NLRP1: variants seen among roughly 807,000 people sequenced by gnomAD.
NLRP1 encodes the protein NLR family pyrin domain containing 1.
In NLRP1, 94 loss-of-function variants were observed where a neutral mutation model predicts 136.7. The ratio of observed to expected loss-of-function variants is 0.69; its 90% CI spans 0.58 to 0.82. The LOEUF is 0.82. NLRP1 is among the 40% of genes least tolerant of loss of function. The pLI, the probability that NLRP1 is intolerant of heterozygous loss-of-function variation, is 0.00. For missense variants in NLRP1, 1,575 were observed against 1,802.7 expected (o/e 0.87, Z 2.29); for synonymous variants, 690 against 725.1 (o/e 0.95, Z 0.78).
chr17:5,573,519 T>A (rs1378521723), intron 3 of NLRP1, among the ~76,000 whole-genome samples: 1 of 152,166 alleles, frequency 6.6e-6, no homozygotes, highest in African/African-American at 2.4e-5. Context: ...GACTGCCTCC[T>A]CAGGTGGGTC....
At chr17:5,574,042 G>A (rs1192761625) in intron 3 of NLRP1, among the ~76,000 whole-genome samples, 1 of 152,160 alleles carries the variant, frequency 6.6e-6, no homozygotes, top group Admixed American at 6.5e-5. Context: ...CCATCACAAA[G>A]AAGCTAAAAA....
chr17:5,522,203 C>T (rs1242597294), intron 12 of NLRP1, among the ~76,000 whole-genome samples: 1 of 152,222 alleles, frequency 6.6e-6, no homozygotes, highest in Non-Finnish European at 1.5e-5. Flanking sequence ...GCTCAGGTAC[C>T]CTCTTGGGGG....
intron 14 of NLRP1, among the ~76,000 whole-genome samples, chr17:5,519,116 C>T (rs574346682): frequency 4.4e-4 from 67 of 152,200 alleles, no homozygotes; most frequent in Admixed American, 1.8e-3. Flanking sequence ...CATTCTCCTA[C>T]CTCAGCCTCC....
Position 5,559,881 on chromosome 17 carries a change from T to C in NLRP1, c.815A>G (p.Glu272Gly). The stretch of plus-strand genomic sequence containing the variant: ...CTGTGTGAATTTTTGGTTAAAATCC[T>C]CATTTTTCCAGGGCCATGTGGAACA... ...SLCSTWPWKNEDFNQKFTQLL... is the reference protein window; with the variant it reads ...SLCSTWPWKNGDFNQKFTQLL... The change falls in exon 4 of 17, where the codon GAG (glutamate) becomes GGG (glycine). Residue 272 changes from glutamate to glycine, a missense_variant. Transcript: ENST00000572272. 6.2e-7 allele frequency: 1 copy of C among 1,614,240 alleles called. No homozygotes were observed. The highest frequency in any genetic ancestry group is 1.1e-5 in the South Asian group (1 of 91,092).
chr17:5,565,360 G>A (rs1038538655), intron 3 of NLRP1, among the ~76,000 whole-genome samples: 4 of 152,084 alleles, frequency 2.6e-5, no homozygotes, highest in Non-Finnish European at 5.9e-5. Flanking sequence ...AGTCATTTGA[G>A]CTCCTTATAT....
chr17:5,540,973 G>T (rs1432522158), intron 6 of NLRP1, among the ~76,000 whole-genome samples: 2 of 152,284 alleles, frequency 1.3e-5, no homozygotes, highest in South Asian at 4.1e-4. Flanking sequence ...TGCACAGAGG[G>T]GTGTGTATAA....
intron 3 of NLRP1, among the ~76,000 whole-genome samples, chr17:5,577,332 T>G (rs941048454): frequency 6.6e-6 from 1 of 152,212 alleles, no homozygotes; most frequent in Admixed American, 6.5e-5. Flanking sequence ...TGTCCCTGTT[T>G]GCAGATGACA....
chr17:5,510,674 T>C (rs1040772873), downstream of NLRP1, among the ~76,000 whole-genome samples: 1 of 151,572 alleles, frequency 6.6e-6, no homozygotes. Context: ...GCCAAAAAAA[T>C]GAAAAAAAAT....
downstream of NLRP1, among the ~76,000 whole-genome samples, chr17:5,509,482 T>C (rs891601017): frequency 6.6e-6 from 1 of 152,172 alleles, no homozygotes; most frequent in African/African-American, 2.4e-5. Flanking sequence ...ATCCTACTCC[T>C]TGGGAGAGTG....
chr17:5,517,971 T>G (rs1401159366), intron 14 of NLRP1, 84 bp from the exon 15 acceptor site: 1 of 1,385,594 alleles, frequency 7.2e-7, no homozygotes. Context: ...TGGCCCTGCT[T>G]GGCTCCATAA....
exon 16 of NLRP1, chr17:5,501,590 C>A (rs1040827003): frequency 6.6e-6 from 3 of 451,148 alleles, no homozygotes; most frequent in African/African-American, 2.0e-5. Context: ...CTCTGTCTCT[C>A]CATCTGCATC....
At position 5,533,002 on chromosome 17, in the gene NLRP1, C is replaced by A; in HGVS notation, c.3134-18G>T. The A allele has an allele frequency of 6.2e-7, 1 of 1,604,114 alleles. No individual in the cohort carries two copies. Among genetic ancestry groups the A allele is most frequent in the Non-Finnish European group, 8.5e-7 (1 of 1,175,170 alleles). On this transcript the variant is annotated intron_variant, in intron 10 of 16. Coordinates refer to ENST00000572272, the MANE Select transcript of NLRP1 (RefSeq NM_033004.4). ...GCTTTCCTCTGAAACAGCAAGGCAGCGGTCAGCTCCAGATTCTCCCGCCTG... is the reference window on the plus strand; with the variant it reads ...GCTTTCCTCTGAAACAGCAAGGCAGAGGTCAGCTCCAGATTCTCCCGCCTG...
intron 12 of NLRP1, among the ~76,000 whole-genome samples, chr17:5,527,356 G>A (rs891426562): frequency 2.0e-5 from 3 of 152,230 alleles, no homozygotes; most frequent in South Asian, 2.1e-4. Context: ...CCCACAGGCC[G>A]CAGGTTGTAC....
chr17:5,528,017 C>T (rs1909773038), intron 12 of NLRP1, among the ~76,000 whole-genome samples: 1 of 152,218 alleles, frequency 6.6e-6, no homozygotes, highest in African/African-American at 2.4e-5. Flanking sequence ...TACATTCTGG[C>T]TCCAGACCTT....
intron 12 of NLRP1, among the ~76,000 whole-genome samples, chr17:5,525,331 A>T (rs1909394471): frequency 6.6e-6 from 1 of 152,238 alleles, no homozygotes; most frequent in South Asian, 2.1e-4. Flanking sequence ...AGCAAATAGA[A>T]CAATGGCTCA....
rs117569222 is a variant in NLRP1, at chr17:5,584,501, C to G, written c.-544G>C. 0.029 allele frequency: 4,588 copies of G among 156,486 alleles called. 98 individuals are homozygous for G. Among genetic ancestry groups the G allele is most frequent in the Non-Finnish European group, 0.046 (3,258 of 70,932 alleles). 9.7% of individuals were successfully genotyped at this position (156,486 alleles called of 1,614,324 possible). ...GGGCACCAGCCAGCAAGAACAGCGC[C>G]TAGTCAACAAGAGCAGGAAGGAAAC... On this transcript the variant is annotated 5_prime_UTR_variant, in exon 1 of 17. Coordinates refer to ENST00000572272, the MANE Select transcript of NLRP1 (RefSeq NM_033004.4).
chr17:5,559,598 G>A lies in NLRP1; in HGVS notation c.1098C>T (p.Tyr366=). The stretch of plus-strand genomic sequence containing the variant: ...ACTGGGCCAGCTCTCTGCAGCTGAA[G>A]TAGAAGACATGCTGGAAGCGGTCCC... ...LYGDRFQHVF[Y]FSCRELAQSK... Residue 366 remains tyrosine, a synonymous_variant, in exon 4 of 17, where the codon TAC becomes TAT. Transcript: ENST00000572272. 1.2e-6 allele frequency: 2 copies of A among 1,614,246 alleles called. No individual in the cohort carries two copies. Among genetic ancestry groups the A allele is most frequent in the East Asian group, 2.2e-5 (1 of 44,884 alleles).
At chr17:5,546,964 A>G (rs1209453255) in intron 5 of NLRP1, among the ~76,000 whole-genome samples, 2 of 152,126 alleles carry the variant, frequency 1.3e-5, no homozygotes, top group Non-Finnish European at 2.9e-5. Flanking sequence ...AGAATTAATC[A>G]GGCCCCGGCT....
At chr17:5,534,708 C>T (rs1910795783) in intron 8 of NLRP1, among the ~76,000 whole-genome samples, 1 of 152,202 alleles carries the variant, frequency 6.6e-6, no homozygotes, top group African/African-American at 2.4e-5. Flanking sequence ...AGCAGCCAAT[C>T]TTGAAATAGG....
Sources: gnomAD v4.1 joint callset for allele counts (sites outside exome capture counted in the v4.1 genomes callset) on GRCh38, gnomAD v4.1.1 for gene constraint, MANE v1.5 for transcripts, NCBI Gene and HGNC (gene_info 2026-07-23, HGNC 2026-07-21) for gene names.